The following THSD4 variants were observed in gnomAD, a reference collection of about 807,000 sequenced individuals.
The protein encoded by THSD4 is thrombospondin type-1 domain-containing protein 4.
THSD4 carries 69 observed loss-of-function variants against 119.0 expected under a neutral mutation model. The ratio of observed to expected loss-of-function variants is 0.58; its 90% CI spans 0.48 to 0.71. The LOEUF (loss-of-function observed/expected upper bound fraction) is 0.71. Among genes scored for constraint, THSD4 ranks in the 30% least tolerant of loss-of-function variants. THSD4 has a pLI of 0.00. For synonymous variants in THSD4, 524 were observed against 540.4 expected (o/e 0.97, Z 0.42); for missense variants, 1,393 against 1,391.1 (o/e 1.00, Z -0.02).
intron 6 of THSD4, among the ~76,000 whole-genome samples, chr15:71,377,057 T>G (rs752349469): frequency 6.6e-6 from 1 of 152,082 alleles, no homozygotes; most frequent in African/African-American, 2.4e-5. Flanking sequence ...TGGCACTGAT[T>G]GTGGGAAGAG....
chr15:71,621,469 C>G (rs1212372970), intron 7 of THSD4, among the ~76,000 whole-genome samples: 1 of 151,992 alleles, frequency 6.6e-6, no homozygotes, highest in Non-Finnish European at 1.5e-5. Flanking sequence ...TTTGCACACT[C>G]ATTCAGTAAC....
intron 7 of THSD4, among the ~76,000 whole-genome samples, chr15:71,545,800 A>T (rs1320088741): frequency 1.3e-5 from 2 of 152,152 alleles, no homozygotes; most frequent in Non-Finnish European, 2.9e-5. Context: ...CCCTGTAAAA[A>T]GGAATGAAAG....
chr15:71,317,957 C>T (rs1436586441), intron 6 of THSD4, among the ~76,000 whole-genome samples: 1 of 152,074 alleles, frequency 6.6e-6, no homozygotes, highest in Non-Finnish European at 1.5e-5. Flanking sequence ...TATCAGTGTC[C>T]CTTGAGATCC....
At chr15:71,559,795 G>C (rs1186058420) in intron 7 of THSD4, among the ~76,000 whole-genome samples, 1 of 152,164 alleles carries the variant, frequency 6.6e-6, no homozygotes, top group Non-Finnish European at 1.5e-5. Flanking sequence ...TGTGTAGCCG[G>C]TGTTATAAAG....
At chr15:71,441,996 G>T (rs916914532) in intron 7 of THSD4, among the ~76,000 whole-genome samples, 9 of 151,886 alleles carry the variant, frequency 5.9e-5, no homozygotes, top group African/African-American at 1.7e-4. Flanking sequence ...GTCTTGCTCT[G>T]TCACCAGGCT....
At chr15:71,244,401 A>T (rs1374392230) in intron 5 of THSD4, among the ~76,000 whole-genome samples, 1 of 152,300 alleles carries the variant, frequency 6.6e-6, no homozygotes, top group East Asian at 1.9e-4. Context: ...CAGCTGTTCT[A>T]TATTAGCTTC....
chr15:71,243,631 T>G (rs535104009), intron 5 of THSD4, among the ~76,000 whole-genome samples: 1 of 152,308 alleles, frequency 6.6e-6, no homozygotes, highest in East Asian at 1.9e-4. Context: ...GTTGTTATTT[T>G]AAGGACCTGT....
chr15:71,594,147 G>A (rs144572292), intron 7 of THSD4, among the ~76,000 whole-genome samples: 1 of 151,860 alleles, frequency 6.6e-6, no homozygotes, highest in Non-Finnish European at 1.5e-5. Context: ...CTGCCTCACA[G>A]CCTAGGGATC....
intron 3 of THSD4, among the ~76,000 whole-genome samples, chr15:71,166,578 G>A (rs1044626685): frequency 1.3e-5 from 2 of 152,054 alleles, no homozygotes; most frequent in African/African-American, 4.8e-5. Flanking sequence ...AGTTTCCCTG[G>A]CTCTGAGCTG....
chr15:71,729,390 A>G lies in THSD4; in HGVS notation c.1533+666A>G, dbSNP rs2052928905. The G allele has an allele frequency of 2.6e-5, 4 of 152,498 alleles. No homozygotes were observed. The South Asian group carries it at 6.2e-4, about 24-fold the overall frequency. The allele number at this position is 152,498 out of a possible 1,614,324, so 9.4% of individuals were successfully genotyped here. ...ACCAGGAAATAAAGGGTGATAAGAC[A>G]TAAAAGCTTGAAATAACATTTTGAT... On this transcript the variant is annotated intron_variant, in intron 9 of 17. Coordinates refer to ENST00000261862, the MANE Select transcript of THSD4 (RefSeq NM_024817.3).
At chr15:71,323,749 A>C (rs2045305161) in intron 6 of THSD4, among the ~76,000 whole-genome samples, 1 of 152,196 alleles carries the variant, frequency 6.6e-6, no homozygotes, top group Non-Finnish European at 1.5e-5. Context: ...AGAAACAGAC[A>C]CAGAGTTGTT....
intron 7 of THSD4, among the ~76,000 whole-genome samples, chr15:71,553,679 A>T (rs1003714204): frequency 6.6e-6 from 1 of 152,188 alleles, no homozygotes; most frequent in African/African-American, 2.4e-5. Context: ...CCTGTCACAG[A>T]TTTAGGTAGA....
chr15:71,278,555 T>A (rs773413645), intron 6 of THSD4, among the ~76,000 whole-genome samples: 2 of 152,180 alleles, frequency 1.3e-5, no homozygotes, highest in Non-Finnish European at 2.9e-5. Context: ...AAGAAAAGTT[T>A]GGGGAAACAA....
chr15:71,109,686 G>T (rs1204313517), intron 1 of THSD4, among the ~76,000 whole-genome samples: 1 of 150,852 alleles, frequency 6.6e-6, no homozygotes, highest in Non-Finnish European at 1.5e-5. Context: ...ATAAGCAAAA[G>T]TGTCCACCAT....
At chr15:71,191,778 G>A (rs997827615) in intron 3 of THSD4, among the ~76,000 whole-genome samples, 13 of 151,902 alleles carry the variant, frequency 8.6e-5, no homozygotes, top group African/African-American at 2.4e-4. Context: ...CACATGAACC[G>A]GTTTACTCCC....
intron 6 of THSD4, among the ~76,000 whole-genome samples, chr15:71,390,172 AATGCTCAC>A (rs1488510328): frequency 6.6e-6 from 1 of 152,180 alleles, no homozygotes; most frequent in Non-Finnish European, 1.5e-5. Flanking sequence ...CAAAGCAGGA[AATGCTCAC>A]ATTGGCCTTT....
chr15:71,703,367 A>G (rs1282765421), intron 8 of THSD4, among the ~76,000 whole-genome samples: 4 of 152,140 alleles, frequency 2.6e-5, no homozygotes, highest in African/African-American at 9.7e-5. Flanking sequence ...GGCAGGTGAA[A>G]ATGATAGTTT....
intron 7 of THSD4, among the ~76,000 whole-genome samples, chr15:71,435,784 C>T (rs1347529041): frequency 2.0e-5 from 3 of 152,222 alleles, no homozygotes; most frequent in South Asian, 2.1e-4. Flanking sequence ...CAACCTGTGA[C>T]GCCTGTGACA....
intron 7 of THSD4, among the ~76,000 whole-genome samples, chr15:71,600,839 C>T (rs929347508): frequency 4.0e-5 from 6 of 151,826 alleles, no homozygotes; most frequent in Non-Finnish European, 8.8e-5. Context: ...CTCCACCTCC[C>T]GGGTTCAAAC....
Sources: allele counts gnomAD v4.1 joint callset (sites outside exome capture counted in the v4.1 genomes callset), GRCh38; gene constraint gnomAD v4.1.1; transcripts MANE v1.5; gene names NCBI Gene and HGNC (gene_info 2026-07-23, HGNC 2026-07-21).